The following PIWIL4 variants were observed in gnomAD, a reference collection of about 807,000 sequenced individuals.
PIWIL4 encodes the protein piwi like RNA-mediated gene silencing 4.
PIWIL4 carries 50 observed loss-of-function variants against 100.9 expected under a neutral mutation model. The observed-to-expected ratio is 0.50, with a 90% CI of 0.39 to 0.63. The LOEUF (loss-of-function observed/expected upper bound fraction) is 0.63, where lower values mean the gene tolerates loss of function less well. Ranked by LOEUF, PIWIL4 falls within the 20% of genes least tolerant of loss-of-function variation. PIWIL4 has a pLI of 0.00. For missense variants in PIWIL4, 887 were observed against 1,043.3 expected, an observed-to-expected ratio of 0.85 and a Z score of 2.06; for synonymous variants, 342 against 367.5, an observed-to-expected ratio of 0.93 and a Z score of 0.79.
chr11:94,595,576 C>T, intron 10 of PIWIL4, 150 bp downstream of exon 10: 1 of 635,558 alleles, frequency 1.6e-6, no homozygotes, highest in Non-Finnish European at 2.6e-6. Context: ...AGCCCTTCAT[C>T]TGAGATGTCT....
At chr11:94,587,002 C>A (rs747608170) in intron 6 of PIWIL4, 48 bp from the exon 7 acceptor site, 1 of 1,408,196 alleles carries the variant, frequency 7.1e-7, no homozygotes, top group South Asian at 1.2e-5. Context: ...TATTGTGTTT[C>A]CGGTATAACA....
intron 3 of PIWIL4, among the ~76,000 whole-genome samples, chr11:94,575,695 C>T (rs1948227400): frequency 2.0e-5 from 3 of 152,194 alleles, no homozygotes; most frequent in African/African-American, 7.2e-5. Flanking sequence ...TGTCCACACA[C>T]AACTGAAGCA....
At chr11:94,606,278 A>C (rs1357394576) in intron 13 of PIWIL4, among the ~76,000 whole-genome samples, 1 of 151,990 alleles carries the variant, frequency 6.6e-6, no homozygotes. Flanking sequence ...CATGAATTGG[A>C]AGGAAGGAAG....
chr11:94,614,947 A>G (rs182341130), intron 15 of PIWIL4, among the ~76,000 whole-genome samples: 1 of 152,250 alleles, frequency 6.6e-6, no homozygotes, highest in East Asian at 1.9e-4. Context: ...GAGTCAAGCT[A>G]TCTGTTTGTG....
intron 3 of PIWIL4, among the ~76,000 whole-genome samples, chr11:94,575,863 C>T (rs148867853): frequency 5.8e-4 from 89 of 152,268 alleles, no homozygotes; most frequent in African/African-American, 1.8e-3. Context: ...AGGGTCTTTC[C>T]GGCTCTGACA....
chr11:94,568,732 TA>T lies in PIWIL4; in HGVS notation c.91del (p.Arg31AspfsTer44). On this transcript the variant is annotated frameshift_variant, in exon 2 of 20. Coordinates refer to ENST00000299001, the MANE Select transcript of PIWIL4 (RefSeq NM_152431.3). LOFTEE classifies it high-confidence loss of function. ...VGRIQASPLPRSVDLSNNEAS... is the reference protein window; with the variant it reads ...VGRIQASPLPXSVDLSNNEAS... ...AAAACTTTTTTTTGCCATTTTAGCC[TA>T]GATCTGTTGATCTTAGTAACAATGA... The T allele has an allele frequency of 6.2e-7, 1 of 1,601,576 alleles. No individual in the cohort carries two copies. Among genetic ancestry groups the T allele is most frequent in the Admixed American group, 1.7e-5 (1 of 60,010 alleles).
At chr11:94,581,296 T>C (rs1304665613) in intron 4 of PIWIL4, among the ~76,000 whole-genome samples, 1 of 152,124 alleles carries the variant, frequency 6.6e-6, no homozygotes, top group Non-Finnish European at 1.5e-5. Context: ...AGAGAGAGCT[T>C]GATGAAAGGC....
Position 94,585,426 on chromosome 11 carries a change from CAA to C in PIWIL4, c.636-13_636-12del, listed in dbSNP as rs1335502916. The C allele has an allele frequency of 1.4e-5, 22 of 1,586,024 alleles. No homozygotes were observed. Among genetic ancestry groups the C allele is most frequent in the Non-Finnish European group, 1.7e-5 (20 of 1,163,404 alleles). The stretch of plus-strand genomic sequence containing the variant: ...TACTGACTGATATTTACCAAAAATT[CAA>C]AAAAATATACTTGCAGGATCCTCAA... On this transcript the variant is annotated splice_polypyrimidine_tract_variant and intron_variant, in intron 5 of 19. Transcript: ENST00000299001.
chr11:94,575,619 G>A (rs978330982), intron 3 of PIWIL4, among the ~76,000 whole-genome samples: 5 of 152,032 alleles, frequency 3.3e-5, no homozygotes, highest in South Asian at 2.1e-4. Flanking sequence ...TCACTGATGC[G>A]GATCAGTGTT....
chr11:94,600,462 A>G (rs571388714), intron 11 of PIWIL4, among the ~76,000 whole-genome samples: 1 of 152,272 alleles, frequency 6.6e-6, no homozygotes, highest in South Asian at 2.1e-4. Context: ...GGGATTTTCA[A>G]AAGGGGAGGG....
intron 4 of PIWIL4, among the ~76,000 whole-genome samples, chr11:94,581,973 A>G (rs1218899891): frequency 4.6e-5 from 7 of 151,638 alleles, no homozygotes; most frequent in Admixed American, 1.3e-4. Context: ...TGTAGATACA[A>G]TAAGACTTGC....
intron 9 of PIWIL4, among the ~76,000 whole-genome samples, chr11:94,594,796 C>T (rs533814845): frequency 7.9e-5 from 12 of 152,152 alleles, no homozygotes; most frequent in Non-Finnish European, 1.5e-4. Context: ...CCTCCCAAAG[C>T]GCTGGGATTA....
intron 3 of PIWIL4, 54 bp from the exon 4 acceptor site, chr11:94,577,223 AT>A: frequency 7.2e-7 from 1 of 1,380,446 alleles, no homozygotes; most frequent in South Asian, 1.2e-5. Context: ...TGTGATTAAT[AT>A]TAACATGATG....
At chr11:94,595,801 C>G in intron 10 of PIWIL4, among the ~76,000 whole-genome samples, 1 of 152,238 alleles carries the variant, frequency 6.6e-6, no homozygotes, top group Non-Finnish European at 1.5e-5. Flanking sequence ...CAGGAATGCT[C>G]AGCTCTTACT....
chr11:94,588,980 A>G, intron 7 of PIWIL4, 141 bp from the exon 8 acceptor site: 1 of 612,272 alleles, frequency 1.6e-6, no homozygotes, highest in South Asian at 2.1e-5. Flanking sequence ...TATTTTTTAA[A>G]AAGTGAATAT....
At chr11:94,576,726 C>T (rs762502079) in intron 3 of PIWIL4, among the ~76,000 whole-genome samples, 8 of 152,176 alleles carry the variant, frequency 5.3e-5, no homozygotes, top group Non-Finnish European at 1.0e-4. Context: ...ATGACAGTTC[C>T]TTCCTCTCTC....
intron 4 of PIWIL4, among the ~76,000 whole-genome samples, chr11:94,577,736 AT>A (rs1020512634): frequency 6.6e-6 from 1 of 152,192 alleles, no homozygotes; most frequent in Non-Finnish European, 1.5e-5. Flanking sequence ...GGTCCTGGGA[AT>A]TTAACCACAT....
rs368398055 is a variant in PIWIL4 at position 94,608,609 on chromosome 11, T to C, written c.1866T>C (p.Ile622=). The C allele has an allele frequency of 2.0e-5, 32 of 1,614,018 alleles. No homozygotes were observed. In the African/African-American group the frequency reaches 3.9e-4, roughly 20 times the overall value. The change falls in exon 15 of 20, where the codon ATT becomes ATC. Residue 622 remains isoleucine (I), a synonymous_variant. Transcript: ENST00000299001. Reference sequence around the variant, plus strand: ...TAAAGTCCCTGATGGTGGTCGGTATTGATGTCTGTAAAGATGCACTCAGCA... The same window carrying C: ...TAAAGTCCCTGATGGTGGTCGGTATCGATGTCTGTAAAGATGCACTCAGCA... ...IPLKSLMVVG[I]DVCKDALSKD...
chr11:94,570,529 C>T (rs1434384733), intron 2 of PIWIL4, among the ~76,000 whole-genome samples: 1 of 152,080 alleles, frequency 6.6e-6, no homozygotes, highest in Non-Finnish European at 1.5e-5. Flanking sequence ...CATTCTGAGG[C>T]ACTGGGGGTT....
Sources: gnomAD v4.1 joint callset for allele counts (sites outside exome capture counted in the v4.1 genomes callset) on GRCh38, gnomAD v4.1.1 for gene constraint, MANE v1.5 for transcripts, NCBI Gene and HGNC (gene_info 2026-07-23, HGNC 2026-07-21) for gene names.